Variants in ABCC2 observed in about 807,000 individuals in gnomAD.
The protein encoded by ABCC2 is ATP-binding cassette sub-family C member 2.
In ABCC2, 157 loss-of-function variants were observed where a neutral mutation model predicts 173.4. That is an observed-to-expected ratio of 0.91 (90% confidence interval 0.80 to 1.03). The LOEUF (loss-of-function observed/expected upper bound fraction) is 1.03, where lower values mean the gene tolerates loss of function less well. Ranked by LOEUF, ABCC2 falls within the 50% of genes least tolerant of loss-of-function variation. ABCC2 has a pLI of 0.00. For synonymous variants in ABCC2, 657 were observed against 693.5 expected (o/e 0.95, Z 0.83); for missense variants, 1,822 against 1,852.3 (o/e 0.98, Z 0.30).
At chr10:99,805,649 T>C (rs939990316) in intron 11 of ABCC2, among the ~76,000 whole-genome samples, 3 of 152,200 alleles carry the variant, frequency 2.0e-5, no homozygotes, top group Admixed American at 6.5e-5. Flanking sequence ...TAGCTTGTTT[T>C]GTTTTGACAC....
intron 9 of ABCC2, 39 bp downstream of exon 9, chr10:99,800,602 C>T: frequency 6.2e-7 from 1 of 1,607,344 alleles, no homozygotes; most frequent in Non-Finnish European, 8.5e-7. Context: ...AGAAAATCCC[C>T]TCAGTAAATA....
chr10:99,830,484 G>C (rs1234285747), intron 20 of ABCC2, 51 bp downstream of exon 20: 3 of 1,613,430 alleles, frequency 1.9e-6, no homozygotes, highest in Non-Finnish European at 1.7e-6. Context: ...ATTTCCACTT[G>C]ATCTTTTTCT....
At chr10:99,810,003 T>G in intron 13 of ABCC2, 131 bp from the exon 14 acceptor site, 1 of 786,396 alleles carries the variant, frequency 1.3e-6, no homozygotes, top group Non-Finnish European at 2.2e-6. Flanking sequence ...CTTCCGGGGC[T>G]GAGTTCGGTG....
Position 99,834,511 on chromosome 10 carries a change from T to G in ABCC2, c.3390T>G (p.Leu1130=). ...TCTTCACCATCATCGTCATTCCTCT[T>G]GGCATTATTTATGTATCTGTTCAGG... ...TPVFTIIVIP[L]GIIYVSVQMF... The change falls in exon 24 of 32, where the codon CTT becomes CTG. Residue 1130 remains leucine, a synonymous_variant. Coordinates refer to ENST00000647814, the MANE Select transcript of ABCC2 (RefSeq NM_000392.5). 6.2e-7 allele frequency: 1 copy of G among 1,614,198 alleles called. No homozygotes were observed. Among genetic ancestry groups the G allele is most frequent in the Non-Finnish European group, 8.5e-7 (1 of 1,180,048 alleles).
In ABCC2 at chr10:99,787,577, T is replaced by C. The variant is rs150602340; in HGVS notation, c.207+2796T>C. Among the ~76,000 whole-genome samples the C allele has an allele frequency of 1.3e-3, 196 of 152,366 alleles. 1 individual carries two copies. The highest frequency in any genetic ancestry group is 6.4e-3 in the South Asian group (31 of 4,834). On this transcript the variant is annotated intron_variant, in intron 2 of 31. Transcript: ENST00000647814. ...AGCATTGAGTTATTTTCAACTTTTATGTGTAAACATGACATCTCACTGAGT... is the reference window on the plus strand; with the variant it reads ...AGCATTGAGTTATTTTCAACTTTTACGTGTAAACATGACATCTCACTGAGT...
intron 11 of ABCC2, among the ~76,000 whole-genome samples, chr10:99,806,010 A>C (rs2038093183): frequency 6.6e-6 from 1 of 151,976 alleles, no homozygotes; most frequent in Admixed American, 6.6e-5. Flanking sequence ...ATAAGGACCC[A>C]AAAAATGTCC....
At chr10:99,801,393 C>T (rs190707348) in intron 9 of ABCC2, among the ~76,000 whole-genome samples, 14 of 152,164 alleles carry the variant, frequency 9.2e-5, no homozygotes, top group African/African-American at 3.4e-4. Context: ...CGTGCCACCA[C>T]GCCCGGCTAA....
chr10:99,842,831 C>T (rs2038966822), intron 26 of ABCC2, among the ~76,000 whole-genome samples: 2 of 152,116 alleles, frequency 1.3e-5, no homozygotes, highest in Non-Finnish European at 2.9e-5. Context: ...GGGTGGATCA[C>T]CTGAGGTCAG....
At chr10:99,792,102 T>C in intron 2 of ABCC2, 132 bp from the exon 3 acceptor site, 1 of 1,186,284 alleles carries the variant, frequency 8.4e-7, no homozygotes, top group Non-Finnish European at 1.2e-6. Context: ...GTATCCATTC[T>C]TTCCAGAAAT....
intron 25 of ABCC2, 56 bp downstream of exon 25, chr10:99,836,346 G>T: frequency 6.3e-7 from 1 of 1,577,824 alleles, no homozygotes; most frequent in Non-Finnish European, 8.7e-7. Context: ...CTATATGTTT[G>T]ATATTAGCGG....
At chr10:99,814,705 G>GTA (rs1278062785) in intron 16 of ABCC2, among the ~76,000 whole-genome samples, 34 of 133,212 alleles carry the variant, frequency 2.6e-4, no homozygotes, top group East Asian at 1.0e-3. Context: ...ACATATATGT[G>GTA]TATACATGTA....
rs539765099 is a variant in ABCC2 at position 99,818,694 on chromosome 10, T to A, written c.2272-96T>A. On this transcript the variant is annotated intron_variant, in intron 17 of 31. Transcript: ENST00000647814. ...TAAGATTTTTAACCCCTTGACACCT[T>A]ATTGAGACAAATTTCTTCCTTTTAC... 29 of 1,390,656 alleles carry A rather than the reference T, an allele frequency of 2.1e-5. No homozygotes were observed. The South Asian group carries it at 2.9e-4, about 14-fold the overall frequency. The allele number at this position is 1,390,656 out of a possible 1,614,324, so 86.1% of individuals were successfully genotyped here. A position where few individuals can be genotyped will look rare whatever the true frequency, so the allele number is the denominator to read the frequency against.
intron 19 of ABCC2, among the ~76,000 whole-genome samples, chr10:99,820,709 G>A (rs1377118115): frequency 6.6e-6 from 1 of 152,226 alleles, no homozygotes; most frequent in Non-Finnish European, 1.5e-5. Flanking sequence ...GGCCAGGAGA[G>A]TGGGGCAGGA....
At chr10:99,822,525 T>C (rs2038556642) in intron 19 of ABCC2, among the ~76,000 whole-genome samples, 1 of 151,874 alleles carries the variant, frequency 6.6e-6, no homozygotes, top group African/African-American at 2.4e-5. Flanking sequence ...GGAAGCTGAT[T>C]TTCTCCTGGT....
At chr10:99,814,650 C>CATATATGTGTATAT (rs2038353057) in intron 16 of ABCC2, among the ~76,000 whole-genome samples, 20 of 77,856 alleles carry the variant, frequency 2.6e-4, no homozygotes, top group Admixed American at 5.8e-4. Flanking sequence ...TACACATATA[C>CATATATGTGTATAT]ACACACATAT....
intron 30 of ABCC2, among the ~76,000 whole-genome samples, 185 bp from the exon 31 acceptor site, chr10:99,850,417 G>A (rs1205940476): frequency 6.6e-6 from 1 of 152,170 alleles, no homozygotes; most frequent in Admixed American, 6.5e-5. Flanking sequence ...GTCTTCAATT[G>A]GGAAAGTTTG....
At position 99,800,778 on chromosome 10, in the gene ABCC2, T is replaced by C. The variant is rs116872494; in HGVS notation, c.1209+215T>C. Among the ~76,000 whole-genome samples the C allele has an allele frequency of 6.8e-4, 103 of 152,272 alleles. No individual in the cohort carries two copies. In the East Asian group the frequency reaches 8.1e-3, roughly 12 times the overall value. On this transcript the variant is annotated intron_variant, in intron 9 of 31. Transcript: ENST00000647814. ...GGAGAGGCCAGGAGGGAAAACGTAC[T>C]CCCCAGGGAGAAGCCTGCAAGCTGT...
chr10:99,851,803 T>C lies in ABCC2; in HGVS notation c.*172T>C. 1.6e-6 allele frequency: 1 copy of C among 628,310 alleles called. No homozygotes were observed. Among genetic ancestry groups the C allele is most frequent in the Non-Finnish European group, 2.5e-6 (1 of 393,680 alleles). 38.9% of individuals were successfully genotyped at this position (628,310 alleles called of 1,614,324 possible). A position where few individuals can be genotyped will look rare whatever the true frequency, so the allele number is the denominator to read the frequency against. On this transcript the variant is annotated 3_prime_UTR_variant, in exon 32 of 32. Coordinates refer to ENST00000647814, the MANE Select transcript of ABCC2 (RefSeq NM_000392.5). ...GGTTAAGAAAATAAATGTCACCAGG[T>C]ACTTGAGAAACCCCTCGATTGTCTA... is the stretch of plus-strand genomic sequence containing the variant.
chr10:99,847,188 C>T (rs552527376), intron 30 of ABCC2, 61 bp downstream of exon 30: 16 of 1,575,292 alleles, frequency 1.0e-5, no homozygotes, highest in South Asian at 6.7e-5. Context: ...GGCCACTCCT[C>T]GTGTTCCTCG....
Sources: gnomAD v4.1 joint callset for allele counts (sites outside exome capture counted in the v4.1 genomes callset) on GRCh38, gnomAD v4.1.1 for gene constraint, MANE v1.5 for transcripts, NCBI Gene and HGNC (gene_info 2026-07-23, HGNC 2026-07-21) for gene names.